CWC27: variants seen among roughly 807,000 people sequenced by gnomAD.
The protein encoded by CWC27 is spliceosome-associated protein CWC27 homolog.
In CWC27, 47 loss-of-function variants were observed where a neutral mutation model predicts 63.6. The ratio of observed to expected loss-of-function variants is 0.74; its 90% CI spans 0.58 to 0.94. CWC27 has a LOEUF of 0.94. Among genes scored for constraint, CWC27 ranks in the 40% least tolerant of loss-of-function variants. CWC27 has a pLI of 0.00. For missense variants in CWC27, 495 were observed against 554.3 expected, an observed-to-expected ratio of 0.89 and a Z score of 1.07; for synonymous variants, 175 against 179.8, an observed-to-expected ratio of 0.97 and a Z score of 0.22.
In CWC27 at chr5:64,988,082, C is replaced by G. The variant is rs1323566745; in HGVS notation, c.1256+10844C>G. Among the ~76,000 whole-genome samples, 14 of 152,188 alleles carry G rather than the reference C, an allele frequency of 9.2e-5. 1 individual carries two copies. Among genetic ancestry groups the G allele is most frequent in the Non-Finnish European group, 2.9e-5 (2 of 68,046 alleles). Reference sequence around the variant, plus strand: ...ATGAATTTTAGACCTTTGGTGTTCTCTGTCACCTCCATTCTGCTACTGAGC... The same window carrying G: ...ATGAATTTTAGACCTTTGGTGTTCTGTGTCACCTCCATTCTGCTACTGAGC... On this transcript the variant is annotated intron_variant, in intron 13 of 13. Transcript: ENST00000381070.
At chr5:64,795,153 T>G (rs551699103) in intron 7 of CWC27, among the ~76,000 whole-genome samples, 7 of 152,272 alleles carry the variant, frequency 4.6e-5, no homozygotes, top group African/African-American at 1.4e-4. Flanking sequence ...AATTAAACTT[T>G]CCCAAAAAAG....
At chr5:64,774,068 T>G (rs1743356312) in intron 1 of CWC27, among the ~76,000 whole-genome samples, 1 of 152,252 alleles carries the variant, frequency 6.6e-6, no homozygotes, top group Admixed American at 6.5e-5. Context: ...TTCATTATTC[T>G]TTAATTTCTT....
intron 10 of CWC27, among the ~76,000 whole-genome samples, chr5:64,818,885 C>T (rs1374566471): frequency 6.6e-6 from 1 of 152,092 alleles, no homozygotes; most frequent in African/African-American, 2.4e-5. Flanking sequence ...TGTTTTGTTC[C>T]TTTTATTGTT....
intron 10 of CWC27, among the ~76,000 whole-genome samples, chr5:64,870,900 A>C (rs58071388): frequency 0.33 from 50,060 of 151,902 alleles, 8,544 homozygotes; most frequent in East Asian, 0.51. Flanking sequence ...ATTTATAAAC[A>C]GTGTTGTCAT....
At chr5:64,795,120 T>G (rs973958581) in intron 7 of CWC27, among the ~76,000 whole-genome samples, 2 of 152,150 alleles carry the variant, frequency 1.3e-5, no homozygotes, top group African/African-American at 4.8e-5. Flanking sequence ...GGATGTTTTG[T>G]CCTATTCTAG....
At chr5:64,774,580 A>G (rs755093999) in intron 1 of CWC27, 111 bp from the exon 2 acceptor site, 62 of 553,268 alleles carry the variant, frequency 1.1e-4, no homozygotes, top group Non-Finnish European at 1.7e-4. Context: ...ACAATTTTTA[A>G]TATTTCTTTT....
intron 11 of CWC27, among the ~76,000 whole-genome samples, chr5:64,891,461 T>G (rs539563131): frequency 2.6e-5 from 4 of 152,188 alleles, no homozygotes; most frequent in Non-Finnish European, 5.9e-5. Flanking sequence ...GTAAAGATTT[T>G]TAAAGGTCTG....
At chr5:64,800,932 AT>A (rs1744465050) in intron 8 of CWC27, among the ~76,000 whole-genome samples, 2 of 152,096 alleles carry the variant, frequency 1.3e-5, no homozygotes, top group Non-Finnish European at 2.9e-5. Flanking sequence ...TTTTAAGACA[AT>A]CTTTTCTTAA....
intron 10 of CWC27, among the ~76,000 whole-genome samples, chr5:64,814,689 C>G (rs959984214): frequency 1.3e-5 from 2 of 152,108 alleles, no homozygotes; most frequent in African/African-American, 4.8e-5. Flanking sequence ...TTGGCCAGAG[C>G]CAAGTCATGT....
chr5:64,793,689 T>C (rs1744155466), intron 7 of CWC27, among the ~76,000 whole-genome samples: 1 of 152,148 alleles, frequency 6.6e-6, no homozygotes, highest in Non-Finnish European at 1.5e-5. Flanking sequence ...TAATTTGCAG[T>C]TTCAGTGGTT....
At chr5:64,903,545 G>T (rs377636015) in intron 11 of CWC27, among the ~76,000 whole-genome samples, 25 of 152,156 alleles carry the variant, frequency 1.6e-4, no homozygotes, top group Middle Eastern at 3.4e-3. Flanking sequence ...GGCAAGGGGA[G>T]GGAGAGCATT....
At chr5:65,007,985 C>T (rs953855031) in intron 13 of CWC27, among the ~76,000 whole-genome samples, 1 of 152,136 alleles carries the variant, frequency 6.6e-6, no homozygotes, top group Non-Finnish European at 1.5e-5. Flanking sequence ...CCCTTATGAC[C>T]TTATTTAATC....
intron 10 of CWC27, chr5:64,807,562 C>T: frequency 6.7e-7 from 1 of 1,498,718 alleles, no homozygotes; most frequent in Non-Finnish European, 8.9e-7. Context: ...CTTGTCTCTT[C>T]CCTTTTTAAA....
intron 7 of CWC27, among the ~76,000 whole-genome samples, chr5:64,797,446 C>G (rs1744315158): frequency 6.6e-6 from 1 of 152,076 alleles, no homozygotes; most frequent in Non-Finnish European, 1.5e-5. Flanking sequence ...AGAGGCCTAA[C>G]AATTTGGCTT....
At chr5:64,846,412 A>G (rs567048247) in intron 10 of CWC27, among the ~76,000 whole-genome samples, 25 of 152,360 alleles carry the variant, frequency 1.6e-4, no homozygotes, top group African/African-American at 6.0e-4. Flanking sequence ...GGGTATGAAA[A>G]AGTATAGAAT....
At chr5:64,976,347 A>G (rs1222164426) in intron 12 of CWC27, among the ~76,000 whole-genome samples, 1 of 151,998 alleles carries the variant, frequency 6.6e-6, no homozygotes, top group Non-Finnish European at 1.5e-5. Context: ...CAATTTACTC[A>G]TTTTCCAACA....
intron 11 of CWC27, among the ~76,000 whole-genome samples, chr5:64,922,574 T>C (rs1748018770): frequency 6.6e-6 from 1 of 152,234 alleles, no homozygotes; most frequent in African/African-American, 2.4e-5. Flanking sequence ...TTCTCTTGTG[T>C]CTCAATGAGC....
chr5:64,947,524 A>C (rs1748612967), intron 11 of CWC27, among the ~76,000 whole-genome samples: 1 of 152,118 alleles, frequency 6.6e-6, no homozygotes, highest in Non-Finnish European at 1.5e-5. Context: ...TCTTTATGTA[A>C]ACATCATTTT....
intron 1 of CWC27, chr5:64,774,016 G>C (rs1743354590): frequency 1.3e-5 from 2 of 152,080 alleles, no homozygotes; most frequent in South Asian, 4.2e-4. Context: ...TAATTAAAAA[G>C]GGTAATTATA....
Sources: gnomAD v4.1 joint callset for allele counts (sites outside exome capture counted in the v4.1 genomes callset) on GRCh38, gnomAD v4.1.1 for gene constraint, MANE v1.5 for transcripts, NCBI Gene and HGNC (gene_info 2026-07-23, HGNC 2026-07-21) for gene names.